MYO18B: variants seen among roughly 807,000 people sequenced by gnomAD.
The protein encoded by MYO18B is unconventional myosin-XVIIIb.
A neutral mutation model predicts 273.0 loss-of-function variants in MYO18B; 204 were observed. The observed-to-expected ratio is 0.75, with a 90% CI of 0.67 to 0.84. The LOEUF is 0.84. Among genes scored for constraint, MYO18B ranks in the 40% least tolerant of loss-of-function variants. The pLI is 0.00. For synonymous variants in MYO18B, 1,330 were observed against 1,305.7 expected, an observed-to-expected ratio of 1.02 and a Z score of -0.40; for missense variants, 3,212 against 3,287.6, an observed-to-expected ratio of 0.98 and a Z score of 0.56.
At chr22:25,831,072 T>C (rs13056293) in intron 15 of MYO18B, among the ~76,000 whole-genome samples, 85,741 of 152,106 alleles carry the variant, frequency 0.56, 24,704 homozygotes, top group Non-Finnish European at 0.61. Context: ...GAGGCAACCA[T>C]TGTTACTATT....
At chr22:25,860,979 C>G (rs935235051) in intron 21 of MYO18B, among the ~76,000 whole-genome samples, 1 of 151,770 alleles carries the variant, frequency 6.6e-6, no homozygotes, top group African/African-American at 2.4e-5. Context: ...GCCTTGACTT[C>G]CTGGGCTCAA....
chr22:25,876,119 CCTCCT>C, intron 23 of MYO18B, 65 bp from the exon 24 acceptor site: 1 of 1,508,556 alleles, frequency 6.6e-7, no homozygotes, highest in South Asian at 1.3e-5. Flanking sequence ...CTACCCTCTG[CCTCCT>C]CTCCTTCCTT....
At chr22:26,049,029 T>A in the MYO18B span, among the ~76,000 whole-genome samples, 1 of 151,964 alleles carries the variant, frequency 6.6e-6, no homozygotes, top group Non-Finnish European at 1.5e-5. Flanking sequence ...TTTACCTACA[T>A]AACAAACCTG....
At chr22:25,853,058 A>G (rs985432653) in intron 21 of MYO18B, among the ~76,000 whole-genome samples, 1 of 152,226 alleles carries the variant, frequency 6.6e-6, no homozygotes, top group African/African-American at 2.4e-5. Flanking sequence ...GATGACATGT[A>G]ATAGTATAGT....
Position 25,891,304 on chromosome 22 carries a change from A to C in MYO18B, c.4435A>C (p.Ser1479Arg). The part of the protein sequence containing the change: ...QAFREVQELK[S>R]KHEQVQKKLG... ...TTAGACCTTGAGCCCTTTCTTCTAG[A>C]GCAAGCATGAACAAGTCCAGAAAAA... Residue 1479 changes from serine to arginine, a missense_variant and splice_region_variant, in exon 27 of 44, where the codon AGC (serine) becomes CGC (arginine). Coordinates refer to ENST00000335473, the MANE Select transcript of MYO18B (RefSeq NM_032608.7). 2 of 1,563,280 alleles carry C rather than the reference A, an allele frequency of 1.3e-6. No individual in the cohort carries two copies. The highest frequency in any genetic ancestry group is 1.7e-6 in the Non-Finnish European group (2 of 1,152,542).
intron 15 of MYO18B, 122 bp downstream of exon 15, chr22:25,829,090 G>T: frequency 8.8e-7 from 1 of 1,136,958 alleles, no homozygotes. Context: ...GTTCACCAGA[G>T]AACAAAGCCC....
At chr22:25,867,920 C>A (rs987430499) in intron 21 of MYO18B, among the ~76,000 whole-genome samples, 1 of 152,144 alleles carries the variant, frequency 6.6e-6, no homozygotes, top group Non-Finnish European at 1.5e-5. Context: ...CGTGAGCCAC[C>A]GCGCCCGGCC....
intron 36 of MYO18B, among the ~76,000 whole-genome samples, chr22:25,948,974 A>G (rs1216134074): frequency 6.6e-6 from 1 of 152,116 alleles, no homozygotes; most frequent in African/African-American, 2.4e-5. Context: ...TAGCACATAC[A>G]AAGGGCCTGT....
chr22:25,953,867 A>C (rs774869214), intron 38 of MYO18B, among the ~76,000 whole-genome samples: 3 of 152,172 alleles, frequency 2.0e-5, no homozygotes, highest in Non-Finnish European at 4.4e-5. Flanking sequence ...TGAGGTGTAG[A>C]GATGGGGTAC....
chr22:26,011,254 T>C (rs1341729730), intron 42 of MYO18B, among the ~76,000 whole-genome samples: 1 of 151,978 alleles, frequency 6.6e-6, no homozygotes, highest in Non-Finnish European at 1.5e-5. Flanking sequence ...GTAAAGAGAA[T>C]TTCTCTCTTC....
chr22:25,845,394 A>G lies in MYO18B; in HGVS notation c.3369-706A>G, dbSNP rs138788631. On this transcript the variant is annotated intron_variant, in intron 18 of 43. Transcript: ENST00000335473. ...TAGCTGGGCCTGGTGGCGTGTGCCTATAGTCCCAGCTACTCGGGAGGCTGA... is the reference window on the plus strand; with the variant it reads ...TAGCTGGGCCTGGTGGCGTGTGCCTGTAGTCCCAGCTACTCGGGAGGCTGA... Among the ~76,000 whole-genome samples, 1,391 of 152,272 alleles carry G rather than the reference A, an allele frequency of 9.1e-3. 44 individuals carry two copies. In the East Asian group the frequency reaches 0.11, roughly 12 times the overall value.
chr22:25,813,711 G>C (rs3859874), intron 12 of MYO18B, among the ~76,000 whole-genome samples: 1 of 152,014 alleles, frequency 6.6e-6, no homozygotes, highest in African/African-American at 2.4e-5. Flanking sequence ...TAAAGCATCA[G>C]CCTAAGGGCC....
chr22:25,761,001 G>A lies in MYO18B; in HGVS notation c.-92G>A. 1 of 1,363,760 alleles carries A rather than the reference G, an allele frequency of 7.3e-7. No individual in the cohort carries two copies. The highest frequency in any genetic ancestry group is 1.0e-6 in the Non-Finnish European group (1 of 958,200). The allele number at this position is 1,363,760 out of a possible 1,614,324, so 84.5% of individuals were successfully genotyped here. A position where few individuals can be genotyped will look rare whatever the true frequency, so the allele number is the denominator to read the frequency against. On this transcript the variant is annotated 5_prime_UTR_variant, in exon 2 of 44. In the 5' UTR this introduces an upstream ATG that the reference lacks. Transcript: ENST00000335473. ...TGTGTCAGTTCTGTGTCCATCTCAT[G>A]TGCTGCGTGTGTCTGTAAAGCCTCA...
At chr22:26,052,792 G>C in the MYO18B span, among the ~76,000 whole-genome samples, 1 of 150,682 alleles carries the variant, frequency 6.6e-6, no homozygotes, top group Non-Finnish European at 1.5e-5. Context: ...TATGAATTGG[G>C]TGGTTTTTTT....
chr22:25,826,264 C>G, intron 13 of MYO18B, 145 bp from the exon 14 acceptor site: 1 of 580,448 alleles, frequency 1.7e-6, no homozygotes, highest in Non-Finnish European at 3.0e-6. Flanking sequence ...GTCCTAAGAA[C>G]CTGGGGAAAT....
the MYO18B span, among the ~76,000 whole-genome samples, chr22:26,055,668 T>C: frequency 3.9e-5 from 6 of 152,250 alleles, no homozygotes; most frequent in Non-Finnish European, 1.5e-5. Flanking sequence ...ACAGGAGTTG[T>C]ATTTTACCTT....
chr22:26,061,066 G>A, the MYO18B span, among the ~76,000 whole-genome samples: 1 of 117,708 alleles, frequency 8.5e-6, no homozygotes, highest in South Asian at 2.6e-4. Flanking sequence ...TGAACCTTCT[G>A]TAGCCCCAGC....
At chr22:25,848,410 C>T (rs796852911) in intron 20 of MYO18B, among the ~76,000 whole-genome samples, 2 of 152,292 alleles carry the variant, frequency 1.3e-5, no homozygotes, top group Admixed American at 6.5e-5. Flanking sequence ...AGGGAGGGAA[C>T]ATTAGGCAGA....
chr22:25,959,933 G>T (rs2092899552), intron 39 of MYO18B, among the ~76,000 whole-genome samples: 1 of 152,166 alleles, frequency 6.6e-6, no homozygotes, highest in Non-Finnish European at 1.5e-5. Flanking sequence ...CCGGTGCTCT[G>T]GGCCCTGGAG....
Sources: gnomAD v4.1 joint callset for allele counts (sites outside exome capture counted in the v4.1 genomes callset) on GRCh38, gnomAD v4.1.1 for gene constraint, MANE v1.5 for transcripts, NCBI Gene and HGNC (gene_info 2026-07-23, HGNC 2026-07-21) for gene names.